The following ZNF695 variants were observed in gnomAD, a reference collection of about 807,000 sequenced individuals.
The protein encoded by ZNF695 is zinc finger protein 695.
ZNF695 carries 11 observed loss-of-function variants against 11.2 expected under a neutral mutation model. The observed-to-expected ratio is 0.98, with a 90% CI of 0.62 to 1.62. The LOEUF is 1.62. ZNF695 is among the 40% of genes most tolerant of loss of function. The pLI is 0.00. For synonymous variants in ZNF695, 190 were observed against 201.4 expected (o/e 0.94, Z 0.48); for missense variants, 559 against 590.5 (o/e 0.95, Z 0.55).
In ZNF695 at chr1:246,993,088, T is replaced by C. The variant is rs890821057; in HGVS notation, c.260-4833A>G. ...GATATAACAAGTGATTACAGCCTCT[T>C]AAGAGGAAACATGTGAAAACCTCTG... On this transcript the variant is annotated intron_variant, in intron 3 of 3. Transcript: ENST00000339986. Among the ~76,000 whole-genome samples, 6 of 152,148 alleles carry C rather than the reference T, an allele frequency of 3.9e-5. 1 individual carries two copies. Among genetic ancestry groups the C allele is most frequent in the Non-Finnish European group, 7.3e-5 (5 of 68,028 alleles).
At chr1:246,976,866 C>T (rs1237473161) in intron 4 of ZNF695, among the ~76,000 whole-genome samples, 1 of 152,092 alleles carries the variant, frequency 6.6e-6, no homozygotes, top group African/African-American at 2.4e-5. Flanking sequence ...ATAAGAGACC[C>T]CCAAATCAGA....
chr1:246,991,668 G>A (rs1318033374), intron 3 of ZNF695, among the ~76,000 whole-genome samples: 1 of 152,184 alleles, frequency 6.6e-6, no homozygotes. Flanking sequence ...CCCGTACACT[G>A]TGGGGATGTA....
intron 1 of ZNF695, among the ~76,000 whole-genome samples, chr1:247,003,325 C>A (rs1301003227): frequency 6.6e-6 from 1 of 152,174 alleles, no homozygotes; most frequent in African/African-American, 2.4e-5. Context: ...ATGAATGCTG[C>A]TGGATAATTT....
chr1:246,999,741 T>C (rs1669308559), intron 2 of ZNF695, among the ~76,000 whole-genome samples, 171 bp downstream of exon 2: 1 of 152,172 alleles, frequency 6.6e-6, no homozygotes, highest in Non-Finnish European at 1.5e-5. Context: ...AGAGCAAGGA[T>C]ATACATCAGC....
exon 6 of ZNF695, chr1:246,945,707 C>G: frequency 7.2e-7 from 1 of 1,395,428 alleles, no homozygotes; most frequent in African/African-American, 1.4e-5. Flanking sequence ...AGAACTCGGG[C>G]TGACGCAGCT....
At chr1:246,949,424 C>T (rs922962678) in intron 5 of ZNF695, among the ~76,000 whole-genome samples, 5 of 152,046 alleles carry the variant, frequency 3.3e-5, no homozygotes, top group African/African-American at 1.2e-4. Flanking sequence ...AACCCCGTCT[C>T]TACTAAAAAG....
At chr1:246,961,861 G>A (rs1668171407) in intron 5 of ZNF695, among the ~76,000 whole-genome samples, 1 of 152,242 alleles carries the variant, frequency 6.6e-6, no homozygotes, top group Admixed American at 6.5e-5. Flanking sequence ...TTAGCAAAGG[G>A]CCCTCTTCAT....
At chr1:246,993,866 G>A (rs1348357211) in intron 3 of ZNF695, among the ~76,000 whole-genome samples, 6 of 152,150 alleles carry the variant, frequency 3.9e-5, no homozygotes, top group Non-Finnish European at 8.8e-5. Flanking sequence ...GTCATCAGTA[G>A]ACCTATACTC....
intron 4 of ZNF695, among the ~76,000 whole-genome samples, chr1:246,975,741 C>A (rs1668541198): frequency 6.6e-6 from 1 of 152,094 alleles, no homozygotes; most frequent in Non-Finnish European, 1.5e-5. Flanking sequence ...AAGGTGTAAA[C>A]TGAGCAGGAG....
downstream of ZNF695, among the ~76,000 whole-genome samples, chr1:246,983,208 A>G (rs1039062856): frequency 1.3e-5 from 2 of 150,450 alleles, no homozygotes; most frequent in Non-Finnish European, 3.0e-5. Context: ...TGTCTCAAAA[A>G]AAAAAAAAAA....
In ZNF695 at chr1:246,954,584, C is replaced by T. The variant is rs144203159; in HGVS notation, c.489-8757G>A. Among the ~76,000 whole-genome samples the T allele has an allele frequency of 2.3e-3, 355 of 152,258 alleles. 7 individuals carry two copies. The highest frequency in any genetic ancestry group is 1.2e-3 in the East Asian group (6 of 5,180). On this transcript the variant is annotated intron_variant, in intron 5 of 5. Transcript: ENST00000487338. ...GATTCTGATTGTCTTGTCTAATGTA[C>T]AGGATTTGGAATCAGGCTTCTATAT...
At chr1:246,964,305 C>T (rs1219999023) in intron 5 of ZNF695, among the ~76,000 whole-genome samples, 1 of 152,090 alleles carries the variant, frequency 6.6e-6, no homozygotes, top group East Asian at 1.9e-4. Context: ...AGTTTCTAAT[C>T]ATGGCTTGGT....
Position 246,949,352 on chromosome 1 carries a change from C to A in ZNF695, c.489-3525G>T, listed in dbSNP as rs1030977329. On this transcript the variant is annotated intron_variant, in intron 5 of 5. Transcript: ENST00000487338. Reference sequence around the variant, plus strand: ...ACAGTTGTAACCCCCACACTTTGGGCGGCCGAGGCAGGCAGCTCATCTGAG... The same window carrying A: ...ACAGTTGTAACCCCCACACTTTGGGAGGCCGAGGCAGGCAGCTCATCTGAG... Among the ~76,000 whole-genome samples the A allele has an allele frequency of 2.0e-5, 3 of 152,026 alleles. No individual in the cohort carries two copies. In the East Asian group the frequency reaches 5.8e-4, roughly 29 times the overall value.
rs1667744881 is a variant in ZNF695 at position 246,946,823 on chromosome 1, T to C, written c.489-996A>G. ...GTGAGATGTGTGGGAAACCGAGTAATCAAAATATGGCTTGGTGAACATGAA... is the reference window on the plus strand; with the variant it reads ...GTGAGATGTGTGGGAAACCGAGTAACCAAAATATGGCTTGGTGAACATGAA... On this transcript the variant is annotated intron_variant, in intron 5 of 5. Transcript: ENST00000487338. 2.0e-5 allele frequency among the ~76,000 whole-genome samples: 3 copies of C among 152,294 alleles called. No individual in the cohort carries two copies. The South Asian group carries it at 6.2e-4, about 32-fold the overall frequency.
intron 4 of ZNF695, among the ~76,000 whole-genome samples, chr1:246,973,394 A>G (rs1025757875): frequency 4.6e-5 from 7 of 152,234 alleles, no homozygotes; most frequent in Non-Finnish European, 8.8e-5. Context: ...GCAACTTAGA[A>G]TCTATGGTTC....
At chr1:246,948,628 G>A (rs1193163318) in intron 5 of ZNF695, among the ~76,000 whole-genome samples, 1 of 152,194 alleles carries the variant, frequency 6.6e-6, no homozygotes, top group Non-Finnish European at 1.5e-5. Flanking sequence ...GGCTGCCACT[G>A]TAGAGATTAA....
chr1:247,001,520 T>G (rs1669381732), intron 1 of ZNF695, among the ~76,000 whole-genome samples: 1 of 151,812 alleles, frequency 6.6e-6, no homozygotes, highest in African/African-American at 2.4e-5. Flanking sequence ...GAGACCAGCC[T>G]GGCCAACATA....
At chr1:246,985,304 G>C, downstream of ZNF695, 1 of 984,754 alleles carries the variant, frequency 1.0e-6, no homozygotes, top group Non-Finnish European at 1.2e-6. Flanking sequence ...AGTCCTTCAA[G>C]ATTCAGAAAT....
chr1:246,958,374 T>C (rs1668063834), intron 5 of ZNF695, among the ~76,000 whole-genome samples: 1 of 152,076 alleles, frequency 6.6e-6, no homozygotes, highest in Non-Finnish European at 1.5e-5. Flanking sequence ...TGTCTTATGA[T>C]TGCCCCAGTA....
Sources: gnomAD v4.1 joint callset for allele counts (sites outside exome capture counted in the v4.1 genomes callset) on GRCh38, gnomAD v4.1.1 for gene constraint, MANE v1.5 for transcripts, NCBI Gene and HGNC (gene_info 2026-07-23, HGNC 2026-07-21) for gene names.